The following RAD51B variants were observed in gnomAD, a reference collection of about 807,000 sequenced individuals.
RAD51B encodes DNA repair protein RAD51 homolog 2.
In RAD51B, 38 loss-of-function variants were observed where a neutral mutation model predicts 42.2. The ratio of observed to expected loss-of-function variants is 0.90; its 90% CI spans 0.70 to 1.18. RAD51B has a LOEUF of 1.18. RAD51B is among the 50% of genes most tolerant of loss of function. The probability of loss-of-function intolerance (pLI) is 0.00; values close to 1 mark genes in which losing one functional copy is unlikely to be tolerated. For missense variants in RAD51B, 373 were observed against 400.7 expected (o/e 0.93, Z 0.59); for synonymous variants, 154 against 145.2 (o/e 1.06, Z -0.43).
rs568216136 is a variant in RAD51B, at chr14:68,248,176, A to G, written c.757-43708A>G. ...AGAAGTAATAATACTTTAAAAAGCA[A>G]TCCACATTTTTTCTGTTTACTCTTT... On this transcript the variant is annotated intron_variant, in intron 7 of 10. Coordinates refer to ENST00000471583, the MANE Select transcript of RAD51B (RefSeq NM_133510.4). Among the ~76,000 whole-genome samples, 4 of 152,294 alleles carry G rather than the reference A, an allele frequency of 2.6e-5. No homozygotes were observed. In the South Asian group the frequency reaches 6.2e-4, roughly 24 times the overall value.
At chr14:68,268,642 A>G (rs554796481) in intron 7 of RAD51B, among the ~76,000 whole-genome samples, 2 of 152,346 alleles carry the variant, frequency 1.3e-5, no homozygotes, top group Admixed American at 6.5e-5. Flanking sequence ...CTATCTCTAA[A>G]TATCTACATA....
At chr14:67,928,470 TAC>T (rs2044606786) in intron 7 of RAD51B, among the ~76,000 whole-genome samples, 1 of 152,158 alleles carries the variant, frequency 6.6e-6, no homozygotes, top group Non-Finnish European at 1.5e-5. Context: ...CTGATTTGCA[TAC>T]AGCCCAGGGA....
intron 10 of RAD51B, among the ~76,000 whole-genome samples, chr14:68,513,189 A>G (rs1393163309): frequency 6.6e-6 from 1 of 152,158 alleles, no homozygotes; most frequent in Non-Finnish European, 1.5e-5. Context: ...TTCAGAGGCT[A>G]TAGAGAGGCT....
At chr14:68,155,162 G>T (rs1469609146) in intron 7 of RAD51B, among the ~76,000 whole-genome samples, 2 of 151,864 alleles carry the variant, frequency 1.3e-5, no homozygotes, top group Non-Finnish European at 2.9e-5. Context: ...CGCAAGGGGA[G>T]CTGGGTTGGT....
chr14:68,531,179 A>AC (rs1172832972), intron 10 of RAD51B, among the ~76,000 whole-genome samples: 1 of 151,972 alleles, frequency 6.6e-6, no homozygotes, highest in Admixed American at 6.5e-5. Flanking sequence ...ATGAAAGAAG[A>AC]CAGGAAAGAA....
intron 7 of RAD51B, among the ~76,000 whole-genome samples, chr14:68,228,628 A>C (rs973639885): frequency 2.0e-5 from 3 of 152,112 alleles, no homozygotes; most frequent in African/African-American, 7.2e-5. Context: ...ATGCTTTATA[A>C]ATTTGTGTTG....
chr14:68,438,072 A>G lies in RAD51B; in HGVS notation c.957+26545A>G, dbSNP rs569430964. On this transcript the variant is annotated intron_variant, in intron 9 of 10. Transcript: ENST00000471583. The stretch of plus-strand genomic sequence containing the variant: ...GTATGTAGTTAAAGATAAAGTAAGG[A>G]AAGGAAAGACAAACCAGACTCAGTC... Among the ~76,000 whole-genome samples, 26 of 152,204 alleles carry G rather than the reference A, an allele frequency of 1.7e-4. No individual in the cohort carries two copies. The East Asian group carries it at 2.7e-3, about 16-fold the overall frequency.
At chr14:68,107,661 A>G (rs376095690) in intron 7 of RAD51B, among the ~76,000 whole-genome samples, 81 of 151,952 alleles carry the variant, frequency 5.3e-4, no homozygotes, top group South Asian at 3.9e-3. Context: ...TGGGAAGTAA[A>G]CTTTTTCATT....
intron 5 of RAD51B, among the ~76,000 whole-genome samples, chr14:67,873,256 AC>A (rs2042606061): frequency 6.6e-6 from 1 of 152,064 alleles, no homozygotes; most frequent in Admixed American, 6.5e-5. Context: ...AAAACAAACA[AC>A]CCCATCAAAA....
chr14:68,486,373 T>C (rs1350290536), intron 10 of RAD51B, among the ~76,000 whole-genome samples: 9 of 152,204 alleles, frequency 5.9e-5, no homozygotes, highest in Admixed American at 5.9e-4. Flanking sequence ...CTATTGCCAC[T>C]GGCTGTCCTC....
chr14:68,079,824 C>T (rs73286206), intron 7 of RAD51B, among the ~76,000 whole-genome samples: 3,736 of 152,214 alleles, frequency 0.025, 156 homozygotes, highest in African/African-American at 0.085. Flanking sequence ...TTTAAGGTGG[C>T]GTATGTGCGC....
chr14:68,393,237 C>G (rs1566853654), intron 8 of RAD51B, among the ~76,000 whole-genome samples: 1 of 152,188 alleles, frequency 6.6e-6, no homozygotes, highest in Non-Finnish European at 1.5e-5. Context: ...AAATGAATTC[C>G]AGGGACTAGC....
intron 7 of RAD51B, among the ~76,000 whole-genome samples, chr14:68,113,029 A>G (rs1194624395): frequency 1.3e-5 from 2 of 152,142 alleles, no homozygotes; most frequent in Admixed American, 6.6e-5. Flanking sequence ...TTGCCTGAAA[A>G]TATTTTATAG....
intron 7 of RAD51B, among the ~76,000 whole-genome samples, chr14:68,247,625 C>A (rs2080527279): frequency 6.6e-6 from 1 of 152,220 alleles, no homozygotes; most frequent in African/African-American, 2.4e-5. Context: ...GATGGCTTAT[C>A]ATTCTCAACG....
chr14:68,670,792 T>C (rs558765181), intron 11 of RAD51B, among the ~76,000 whole-genome samples: 3 of 152,364 alleles, frequency 2.0e-5, no homozygotes, highest in East Asian at 1.9e-4. Context: ...CATTTGAAGA[T>C]AGAGACACAA....
chr14:68,127,636 CACACACACACACACACACAT>C (rs1462092880), intron 7 of RAD51B, among the ~76,000 whole-genome samples: 96 of 145,390 alleles, frequency 6.6e-4, no homozygotes, highest in African/African-American at 2.4e-3. Context: ...CACACACACA[CACACACACACACACACACAT>C]ACACACAGTA....
intron 7 of RAD51B, among the ~76,000 whole-genome samples, chr14:68,175,571 A>C (rs2140869848): frequency 6.6e-6 from 1 of 152,248 alleles, no homozygotes; most frequent in Middle Eastern, 3.4e-3. Context: ...TTCTTTCTAA[A>C]TGAGTGCTGG....
At position 68,002,180 on chromosome 14, in the gene RAD51B, C is replaced by A. The variant is rs574852770; in HGVS notation, c.756+114976C>A. Among the ~76,000 whole-genome samples the A allele has an allele frequency of 1.3e-3, 197 of 152,154 alleles. 1 individual carries two copies. The highest frequency in any genetic ancestry group is 4.6e-3 in the African/African-American group (193 of 41,528). On this transcript the variant is annotated intron_variant, in intron 7 of 10. Transcript: ENST00000471583. ...TCCCACCAACAGTGTAAAAGTGTTC[C>A]TTTTTCTCTGCAACCTTGCCAGCAT...
rs1219980218 is a variant in RAD51B, at chr14:67,825,543, T to C, written c.164T>C (p.Met55Thr). The change falls in exon 3 of 11, where the codon ATG becomes ACG. Residue 55 changes from methionine to threonine, a missense_variant. Transcript: ENST00000471583. Reference sequence around the variant, plus strand: ...CGAGGTGTCCATGAACTTCTATGTATGGTCAGCAGGGCCTGTGCCCCAAAG... The same window carrying C: ...CGAGGTGTCCATGAACTTCTATGTACGGTCAGCAGGGCCTGTGCCCCAAAG... Reference protein sequence around the residue: ...SYRGVHELLCMVSRACAPKMQ... With the variant: ...SYRGVHELLCTVSRACAPKMQ... 1.1e-5 allele frequency: 18 copies of C among 1,613,152 alleles called. 1 individual carries two copies. The East Asian group carries it at 3.3e-4, about 30-fold the overall frequency.
Sources: allele counts gnomAD v4.1 joint callset (sites outside exome capture counted in the v4.1 genomes callset), GRCh38; gene constraint gnomAD v4.1.1; transcripts MANE v1.5; gene names NCBI Gene and HGNC (gene_info 2026-07-23, HGNC 2026-07-21).